The following BRINP3 variants were observed in gnomAD, a reference collection of about 807,000 sequenced individuals.
The protein encoded by BRINP3 is BMP/retinoic acid inducible neural specific 3, also known as BMP/retinoic acid-inducible neural-specific protein 3.
In BRINP3, 19 loss-of-function variants were observed where a neutral mutation model predicts 71.0. The observed-to-expected ratio is 0.27, with a 90% confidence interval of 0.19 to 0.39. BRINP3 has a LOEUF of 0.39. BRINP3 is among the 10% of genes least tolerant of loss of function. The probability of loss-of-function intolerance (pLI) is 1.00; values close to 1 mark genes in which losing one functional copy is unlikely to be tolerated. For missense variants in BRINP3, 959 were observed against 940.8 expected (o/e 1.02, Z -0.25); for synonymous variants, 380 against 337.7 (o/e 1.13, Z -1.37).
chr1:190,427,975 A>G (rs1170423414), intron 2 of BRINP3, among the ~76,000 whole-genome samples: 1 of 151,052 alleles, frequency 6.6e-6, no homozygotes, highest in Non-Finnish European at 1.5e-5. Flanking sequence ...GCTCCCAGTT[A>G]TAAGTGAGAA....
intron 7 of BRINP3, among the ~76,000 whole-genome samples, chr1:190,144,603 A>G (rs1314021223): frequency 6.6e-6 from 1 of 152,114 alleles, no homozygotes; most frequent in African/African-American, 2.4e-5. Flanking sequence ...CATCATTTTT[A>G]TAAAAGATTG....
intron 2 of BRINP3, among the ~76,000 whole-genome samples, chr1:190,341,404 T>G (rs192265413): frequency 8.0e-4 from 121 of 152,024 alleles, no homozygotes; most frequent in Non-Finnish European, 8.8e-5. Flanking sequence ...TATCATGTTT[T>G]ATTTGCACAA....
intron 7 of BRINP3, among the ~76,000 whole-genome samples, chr1:190,104,440 A>G (rs974999658): frequency 6.6e-6 from 1 of 152,094 alleles, no homozygotes; most frequent in African/African-American, 2.4e-5. Context: ...TCCTATTATG[A>G]ATGTTATTCC....
At chr1:190,425,701 G>A (rs942333687) in intron 2 of BRINP3, among the ~76,000 whole-genome samples, 7 of 151,770 alleles carry the variant, frequency 4.6e-5, no homozygotes, top group Admixed American at 3.3e-4. Flanking sequence ...GCTTAGCCAC[G>A]TACAATGTTG....
chr1:190,285,378 G>A (rs1663342407), intron 2 of BRINP3, among the ~76,000 whole-genome samples: 1 of 152,102 alleles, frequency 6.6e-6, no homozygotes, highest in Non-Finnish European at 1.5e-5. Context: ...CCCGGACATT[G>A]ATTAGCAACT....
intron 2 of BRINP3, chr1:190,302,875 C>T (rs1664835873): frequency 6.6e-6 from 1 of 151,664 alleles, no homozygotes; most frequent in Admixed American, 6.6e-5. Context: ...CTAGTGAATA[C>T]TATTATATGT....
chr1:190,252,103 G>C (rs1425454595), intron 4 of BRINP3, among the ~76,000 whole-genome samples: 1 of 152,022 alleles, frequency 6.6e-6, no homozygotes. Flanking sequence ...TTCCTTCTAA[G>C]AACCTTTATT....
At chr1:190,219,005 T>C (rs1656645085) in intron 6 of BRINP3, among the ~76,000 whole-genome samples, 1 of 152,052 alleles carries the variant, frequency 6.6e-6, no homozygotes, top group Non-Finnish European at 1.5e-5. Context: ...TGGGACCAAC[T>C]CCATTCAGGA....
intron 6 of BRINP3, among the ~76,000 whole-genome samples, chr1:190,221,845 A>T (rs1289864919): frequency 6.6e-6 from 1 of 152,156 alleles, no homozygotes; most frequent in African/African-American, 2.4e-5. Flanking sequence ...TAAAGGGGTC[A>T]ATACAGCAAG....
At chr1:190,133,729 G>C (rs1654738072) in intron 7 of BRINP3, among the ~76,000 whole-genome samples, 1 of 151,974 alleles carries the variant, frequency 6.6e-6, no homozygotes, top group Non-Finnish European at 1.5e-5. Context: ...TGTTACAATA[G>C]TACATCCATA....
At chr1:190,119,968 G>GT (rs1653499896) in intron 7 of BRINP3, among the ~76,000 whole-genome samples, 1 of 152,222 alleles carries the variant, frequency 6.6e-6, no homozygotes. Context: ...CTCTTTTTCA[G>GT]TAAAGTAAGT....
rs1429617223 is a variant in BRINP3, at chr1:190,272,649, T to C, written c.428-7594A>G. Among the ~76,000 whole-genome samples, 7 of 151,564 alleles carry C rather than the reference T, an allele frequency of 4.6e-5. No individual in the cohort carries two copies. The East Asian group carries it at 1.2e-3, about 25-fold the overall frequency. ...TAATTTTACCACAGGAATCAGGACA[T>C]AGTCATAATTGTTTCTAATGGTTTT... On this transcript the variant is annotated intron_variant, in intron 3 of 7. Coordinates refer to ENST00000367462, the MANE Select transcript of BRINP3 (RefSeq NM_199051.3).
At chr1:190,175,756 A>G (rs1343092160) in intron 6 of BRINP3, among the ~76,000 whole-genome samples, 6 of 152,196 alleles carry the variant, frequency 3.9e-5, no homozygotes, top group Admixed American at 6.5e-5. Flanking sequence ...CTATCTATCT[A>G]TCGTATATCA....
chr1:190,292,525 G>A (rs558893844), intron 2 of BRINP3, among the ~76,000 whole-genome samples: 23 of 152,012 alleles, frequency 1.5e-4, no homozygotes, highest in Non-Finnish European at 2.8e-4. Context: ...GCATTTGCCT[G>A]TAGTCCTATC....
At chr1:190,405,570 A>G (rs1049261738) in intron 2 of BRINP3, among the ~76,000 whole-genome samples, 3 of 150,942 alleles carry the variant, frequency 2.0e-5, no homozygotes, top group Non-Finnish European at 2.9e-5. Flanking sequence ...ATGCTGCAAG[A>G]TCACAGAGAA....
chr1:190,472,338 C>T (rs544737859), intron 1 of BRINP3, among the ~76,000 whole-genome samples: 2 of 151,600 alleles, frequency 1.3e-5, no homozygotes, highest in Non-Finnish European at 1.5e-5. Context: ...CCCAATAACC[C>T]TTTATTACGA....
At chr1:190,430,067 A>C (rs1383952831) in intron 2 of BRINP3, among the ~76,000 whole-genome samples, 1 of 152,210 alleles carries the variant, frequency 6.6e-6, no homozygotes, top group Non-Finnish European at 1.5e-5. Context: ...GACACGTCTA[A>C]GAAAAACTTG....
At chr1:190,121,739 G>A (rs987479755) in intron 7 of BRINP3, among the ~76,000 whole-genome samples, 2 of 152,078 alleles carry the variant, frequency 1.3e-5, no homozygotes, top group African/African-American at 4.8e-5. Flanking sequence ...GTGGAAAAGG[G>A]AGGAATAGAA....
chr1:190,211,208 G>A (rs1436869382), intron 6 of BRINP3, among the ~76,000 whole-genome samples: 3 of 152,098 alleles, frequency 2.0e-5, no homozygotes, highest in Non-Finnish European at 4.4e-5. Flanking sequence ...GGAGGTTGCA[G>A]TGATCTGAGA....
Sources: gnomAD v4.1 joint callset for allele counts (sites outside exome capture counted in the v4.1 genomes callset) on GRCh38, gnomAD v4.1.1 for gene constraint, MANE v1.5 for transcripts, NCBI Gene and HGNC (gene_info 2026-07-23, HGNC 2026-07-21) for gene names.